AKAP6: variants seen among roughly 807,000 people sequenced by gnomAD.
AKAP6 encodes A-kinase anchor protein 6.
AKAP6 carries 58 observed loss-of-function variants against 188.5 expected under a neutral mutation model. The observed-to-expected ratio is 0.31, with a 90% CI of 0.25 to 0.38. The LOEUF (loss-of-function observed/expected upper bound fraction) is 0.38, where lower values mean the gene tolerates loss of function less well. Ranked by LOEUF, AKAP6 falls within the 10% of genes least tolerant of loss-of-function variation. The pLI, the probability that AKAP6 is intolerant of heterozygous loss-of-function variation, is 1.00. For synonymous variants in AKAP6, 989 were observed against 998.6 expected (o/e 0.99, Z 0.18); for missense variants, 2,710 against 2,740.0 (o/e 0.99, Z 0.24).
At chr14:32,541,250 C>T (rs536695455) in intron 3 of AKAP6, among the ~76,000 whole-genome samples, 2 of 151,730 alleles carry the variant, frequency 1.3e-5, no homozygotes, top group Admixed American at 1.3e-4. Flanking sequence ...CTTTTCTAAA[C>T]CAGGAACTGG....
chr14:32,686,372 G>A (rs566797987), intron 8 of AKAP6, among the ~76,000 whole-genome samples: 3 of 152,156 alleles, frequency 2.0e-5, no homozygotes, highest in South Asian at 4.2e-4. Flanking sequence ...AAGACCTAGC[G>A]CTTGATAGCA....
Position 32,545,716 on chromosome 14 carries a change from G to A in AKAP6, c.1063G>A (p.Asp355Asn). 1 of 1,614,154 alleles carries A rather than the reference G, an allele frequency of 6.2e-7. No individual in the cohort carries two copies. The highest frequency in any genetic ancestry group is 1.1e-5 in the South Asian group (1 of 91,084). Residue 355 changes from aspartate to asparagine, a missense_variant, in exon 4 of 14, where the codon GAT becomes AAT. Asp to Asn is a conservative substitution (Grantham distance 23, BLOSUM62 1). This residue lies in a region of AKAP6 where 2,473 missense variants were observed against 2,426.1 expected (regional missense o/e 1.02). Coordinates refer to ENST00000280979, the MANE Select transcript of AKAP6 (RefSeq NM_004274.5). ...QQESSSSSHHDAKNQQPVPCE... is the reference protein window; with the variant it reads ...QQESSSSSHHNAKNQQPVPCE... The stretch of plus-strand genomic sequence containing the variant: ...AGAATCCAGTTCCTCCTCCCATCAT[G>A]ATGCAAAGAATCAGCAGCCTGTTCC...
At chr14:32,602,890 C>T (rs1340838068) in intron 7 of AKAP6, among the ~76,000 whole-genome samples, 1 of 152,208 alleles carries the variant, frequency 6.6e-6, no homozygotes, top group African/African-American at 2.4e-5. Flanking sequence ...CTGCCTTTCA[C>T]TGGCACTGCT....
intron 7 of AKAP6, among the ~76,000 whole-genome samples, chr14:32,658,958 A>G (rs988727406): frequency 1.3e-5 from 2 of 152,034 alleles, no homozygotes; most frequent in South Asian, 4.1e-4. Flanking sequence ...GTTTTGTATT[A>G]TAGTTAGTTG....
At chr14:32,421,414 C>T (rs1453589920) in intron 1 of AKAP6, among the ~76,000 whole-genome samples, 4 of 151,950 alleles carry the variant, frequency 2.6e-5, no homozygotes, top group African/African-American at 9.7e-5. Flanking sequence ...TTATTTTTAG[C>T]TATTATATTG....
chr14:32,464,163 G>A (rs142015665), intron 2 of AKAP6, among the ~76,000 whole-genome samples: 2,173 of 152,272 alleles, frequency 0.014, 61 homozygotes, highest in African/African-American at 0.047. Flanking sequence ...TCTACCAGCA[G>A]TACAAAGAGG....
intron 9 of AKAP6, among the ~76,000 whole-genome samples, chr14:32,716,689 C>CTATT (rs2030226441): frequency 6.7e-6 from 1 of 149,338 alleles, no homozygotes; most frequent in South Asian, 2.1e-4. Flanking sequence ...ATCTATCTAT[C>CTATT]TATCTATCTA....
intron 7 of AKAP6, among the ~76,000 whole-genome samples, chr14:32,675,887 G>A (rs922332295): frequency 6.6e-6 from 1 of 152,130 alleles, no homozygotes; most frequent in South Asian, 2.1e-4. Flanking sequence ...CACAGAAATG[G>A]CTGAGAATTA....
intron 2 of AKAP6, among the ~76,000 whole-genome samples, chr14:32,452,411 T>G (rs1175395432): frequency 6.6e-6 from 1 of 152,210 alleles, no homozygotes; most frequent in African/African-American, 2.4e-5. Flanking sequence ...CTCCTATTCA[T>G]GGATATATAG....
chr14:32,370,460 A>C (rs1343175334), intron 1 of AKAP6, among the ~76,000 whole-genome samples: 1 of 152,238 alleles, frequency 6.6e-6, no homozygotes, highest in Non-Finnish European at 1.5e-5. Flanking sequence ...GTGAACACAA[A>C]TAATGAGGGA....
At chr14:32,523,474 T>C (rs74875488) in intron 2 of AKAP6, among the ~76,000 whole-genome samples, 109 of 144,242 alleles carry the variant, frequency 7.6e-4, no homozygotes, top group African/African-American at 2.5e-3. Flanking sequence ...CTCTCTCTCT[T>C]TTTTTTTTTT....
At chr14:32,365,339 G>A (rs1887796846) in intron 1 of AKAP6, among the ~76,000 whole-genome samples, 1 of 151,890 alleles carries the variant, frequency 6.6e-6, no homozygotes, top group Admixed American at 6.6e-5. Flanking sequence ...TCCACACTGT[G>A]TCTTTATGCT....
intron 2 of AKAP6, among the ~76,000 whole-genome samples, chr14:32,476,879 G>A (rs1879092549): frequency 6.6e-6 from 1 of 152,184 alleles, no homozygotes; most frequent in South Asian, 2.1e-4. Flanking sequence ...GAGGTTATAG[G>A]CAAAGTCATC....
At chr14:32,561,465 T>C (rs574079128) in intron 4 of AKAP6, among the ~76,000 whole-genome samples, 2 of 152,182 alleles carry the variant, frequency 1.3e-5, no homozygotes, top group African/African-American at 4.8e-5. Flanking sequence ...AGAGACTAAC[T>C]GTGAGGAATA....
At chr14:32,334,317 G>A (rs760838196) in intron 1 of AKAP6, among the ~76,000 whole-genome samples, 13 of 152,168 alleles carry the variant, frequency 8.5e-5, no homozygotes, top group Non-Finnish European at 1.8e-4. Context: ...CACCATTACT[G>A]TTCTGTCCTG....
chr14:32,361,329 G>A (rs1887658063), intron 1 of AKAP6, among the ~76,000 whole-genome samples: 2 of 152,200 alleles, frequency 1.3e-5, no homozygotes, highest in African/African-American at 2.4e-5. Context: ...TTGTATGTAT[G>A]TTTGAGGAGG....
chr14:32,734,827 A>G (rs955939045), intron 10 of AKAP6, among the ~76,000 whole-genome samples: 6 of 152,104 alleles, frequency 3.9e-5, no homozygotes, highest in African/African-American at 1.4e-4. Context: ...TGTTGACTTA[A>G]TTTTATTTAT....
intron 2 of AKAP6, among the ~76,000 whole-genome samples, chr14:32,502,782 T>A (rs1466216201): frequency 2.0e-5 from 3 of 152,148 alleles, no homozygotes; most frequent in Non-Finnish European, 4.4e-5. Context: ...AAAGTCTTCT[T>A]ATTATCCTCA....
At position 32,696,596 on chromosome 14, in the gene AKAP6, G is replaced by C. The variant is rs1416721999; in HGVS notation, c.3000+486G>C. On this transcript the variant is annotated intron_variant, in intron 9 of 13. Coordinates refer to ENST00000280979, the MANE Select transcript of AKAP6 (RefSeq NM_004274.5). ...TTTATTAGTGATACATAGAGCAGAC[G>C]TTGTCATATTAAGTCAATACATTTC... Among the ~76,000 whole-genome samples, 9 of 152,226 alleles carry C rather than the reference G, an allele frequency of 5.9e-5. No individual in the cohort carries two copies. The East Asian group carries it at 1.7e-3, about 29-fold the overall frequency.
Sources: gnomAD v4.1 joint callset for allele counts (sites outside exome capture counted in the v4.1 genomes callset) on GRCh38, gnomAD v4.1.1 for gene constraint, gnomAD v4.1.1 regional missense constraint, MANE v1.5 for transcripts, NCBI Gene and HGNC (gene_info 2026-07-23, HGNC 2026-07-21) for gene names.